GPR35: variants seen among roughly 807,000 people sequenced by gnomAD.
GPR35 encodes the protein G protein-coupled receptor 35.
For synonymous variants in GPR35, 207 were observed against 198.4 expected (o/e 1.04, Z -0.36); for missense variants, 372 against 422.5 (o/e 0.88, Z 1.05).
chr2:240,630,915 C>CG lies in GPR35; in HGVS notation c.*38dup. 1 of 1,562,544 alleles carries CG rather than the reference C, an allele frequency of 6.4e-7. No individual in the cohort carries two copies. The highest frequency in any genetic ancestry group is 8.7e-7 in the Non-Finnish European group (1 of 1,144,090). On this transcript the variant is annotated 3_prime_UTR_variant, in exon 2 of 2. Coordinates refer to ENST00000407714, the MANE Select transcript of GPR35 (RefSeq NM_005301.5). The stretch of plus-strand genomic sequence containing the variant: ...GCTGTGGGCGCTGTGGGCCAGGTCT[C>CG]GGGGGCTCCGGGAGGTGCTGCCTGC...
At chr2:240,614,010 C>T (rs371733622) in intron 2 of GPR35, among the ~76,000 whole-genome samples, 7 of 151,520 alleles carry the variant, frequency 4.6e-5, no homozygotes, top group South Asian at 2.1e-4. Flanking sequence ...AACCCTATCC[C>T]GAGCCCTAAA....
At chr2:240,627,671 C>G (rs2043394208) in intron 1 of GPR35, 1 of 124,374 alleles carries the variant, frequency 8.0e-6, no homozygotes, top group Non-Finnish European at 1.6e-5. Context: ...GACGGGGTCT[C>G]CCTGTGATGC....
chr2:240,616,534 A>G (rs1373592158), intron 3 of GPR35: 1 of 777,176 alleles, frequency 1.3e-6, no homozygotes. Context: ...GTTTTTTGAC[A>G]AGCCCACTTC....
At position 240,630,111 on chromosome 2, in the gene GPR35, G is replaced by C. The variant is rs535196046; in HGVS notation, c.159G>C (p.Thr53=). 2 of 1,607,504 alleles carry C rather than the reference G, an allele frequency of 1.2e-6. No individual in the cohort carries two copies. The highest frequency in any genetic ancestry group is 1.7e-6 in the Non-Finnish European group (2 of 1,179,706). ...WVFCCRMQQW[T]ETRIYMTNLA... ...TCTGCTGCCGCATGCAGCAGTGGAC[G>C]GAGACCCGCATCTACATGACCAACC... The change falls in exon 2 of 2, where the codon ACG becomes ACC. Residue 53 remains threonine (T), a synonymous_variant. Transcript: ENST00000407714.
At chr2:240,622,723 G>A (rs1034125639), upstream of GPR35, among the ~76,000 whole-genome samples, 14 of 152,172 alleles carry the variant, frequency 9.2e-5, no homozygotes, top group African/African-American at 2.9e-4. Context: ...AATCCTGTTC[G>A]GAGCTCCTCG....
At chr2:240,628,915 C>T (rs546563040) in intron 1 of GPR35, 4 of 152,328 alleles carry the variant, frequency 2.6e-5, no homozygotes, top group Admixed American at 2.6e-4. Context: ...TGGGCGCTCA[C>T]CAGCAGCTCC....
intron 4 of GPR35, among the ~76,000 whole-genome samples, chr2:240,618,033 C>T (rs562343693): frequency 2.2e-4 from 33 of 152,012 alleles, no homozygotes; most frequent in Non-Finnish European, 3.7e-4. Flanking sequence ...CTGGATTTGT[C>T]GTCATTTTTA....
At position 240,630,414 on chromosome 2, in the gene GPR35, G is replaced by A; in HGVS notation, c.462G>A (p.Leu154=). 1 of 1,612,380 alleles carries A rather than the reference G, an allele frequency of 6.2e-7. No individual in the cohort carries two copies. The highest frequency in any genetic ancestry group is 8.5e-7 in the Non-Finnish European group (1 of 1,179,910). ...VIGSLVARWL[L]GIQEGGFCFR... ...GCTCCCTGGTGGCTCGCTGGCTCCT[G>A]GGGATTCAGGAGGGCGGCTTCTGCT... Residue 154 remains leucine (L), a synonymous_variant, in exon 2 of 2, where the codon CTG becomes CTA. Transcript: ENST00000407714.
intron 2 of GPR35, among the ~76,000 whole-genome samples, chr2:240,616,179 C>T (rs2043234997): frequency 6.6e-6 from 1 of 152,140 alleles, no homozygotes; most frequent in Admixed American, 6.5e-5. Flanking sequence ...CGTAGAGGAG[C>T]CGGCACCTTT....
chr2:240,620,229 G>A (rs1048656887), intron 5 of GPR35, among the ~76,000 whole-genome samples: 5 of 152,174 alleles, frequency 3.3e-5, no homozygotes, highest in East Asian at 1.9e-4. Flanking sequence ...GTGAGCTGGC[G>A]GGGGTGGCCC....
chr2:240,618,477 A>C (rs894598149), intron 4 of GPR35, among the ~76,000 whole-genome samples: 3 of 152,250 alleles, frequency 2.0e-5, no homozygotes, highest in African/African-American at 7.2e-5. Flanking sequence ...CTGGATTTTA[A>C]AATCACTTGG....
chr2:240,610,633 T>C (rs2043174086), intron 2 of GPR35, among the ~76,000 whole-genome samples: 1 of 151,900 alleles, frequency 6.6e-6, no homozygotes, highest in Admixed American at 6.6e-5. Flanking sequence ...GCTAAGTTTT[T>C]AACTTTTTTT....
At chr2:240,610,562 G>A (rs1425826882) in intron 2 of GPR35, among the ~76,000 whole-genome samples, 2 of 152,128 alleles carry the variant, frequency 1.3e-5, no homozygotes, top group African/African-American at 4.8e-5. Context: ...CTAGATTCAA[G>A]CAATCCTCCC....
intron 1 of GPR35, chr2:240,627,517 A>G (rs1023323167): frequency 1.3e-5 from 2 of 149,050 alleles, no homozygotes; most frequent in African/African-American, 4.9e-5. Flanking sequence ...CTAAGGCTGG[A>G]GTGCAGTGGT....
chr2:240,625,497 TCAGA>T lies in GPR35; in HGVS notation c.-72_-69del. ...CCAGCTTCACTTCCCCCAGCCCTTC[TCAGA>T]CAGCCACTGTGCAGGCTTTGGCAGC... On this transcript the variant is annotated 5_prime_UTR_variant, in exon 1 of 2. Transcript: ENST00000407714. 1 of 985,932 alleles carries T rather than the reference TCAGA, an allele frequency of 1.0e-6. No homozygotes were observed. The highest frequency in any genetic ancestry group is 5.2e-4 in the Middle Eastern group (1 of 1,918). 61.1% of individuals were successfully genotyped at this position (985,932 alleles called of 1,614,324 possible). A position where few individuals can be genotyped will look rare whatever the true frequency, so the allele number is the denominator to read the frequency against.
At chr2:240,624,094 G>A (rs957759825), upstream of GPR35, among the ~76,000 whole-genome samples, 37 of 152,168 alleles carry the variant, frequency 2.4e-4, no homozygotes, top group Admixed American at 4.6e-4. Flanking sequence ...TGCCAGAGGT[G>A]GAAGGAGCAC....
In GPR35 at chr2:240,610,468, T is replaced by C. The variant is rs1339819027; in HGVS notation, c.-577+3856T>C. The stretch of plus-strand genomic sequence containing the variant: ...AGACAGCATATTGTCATTTCTTGCT[T>C]TCTTTTCCCCTAAGACGAAGAGTCT... On this transcript the variant is annotated intron_variant, in intron 2 of 5. Coordinates refer to the GPR35 transcript ENST00000319838. Among the ~76,000 whole-genome samples the C allele has an allele frequency of 3.9e-5, 6 of 152,166 alleles. No homozygotes were observed. In the East Asian group the frequency reaches 1.2e-3, roughly 29 times the overall value.
Position 240,632,249 on chromosome 2 carries a change from TC to T in GPR35, c.*1368del, listed in dbSNP as rs2043458167. 6.7e-6 allele frequency among the ~76,000 whole-genome samples: 1 copy of T among 148,340 alleles called. No individual in the cohort carries two copies. The highest frequency in any genetic ancestry group is 1.5e-5 in the Non-Finnish European group (1 of 66,950). On this transcript the variant is annotated 3_prime_UTR_variant, in exon 2 of 2. Transcript: ENST00000407714. ...TGGAAGGGTCCATGCTCAGGAGGGT[TC>T]ATGCCCAGGAGAGTTTATGCCCTGG... is the stretch of plus-strand genomic sequence containing the variant.
At chr2:240,616,614 A>G in intron 3 of GPR35, 2 of 689,526 alleles carry the variant, frequency 2.9e-6, no homozygotes, top group Non-Finnish European at 2.6e-6. Flanking sequence ...GCCAGCAGCC[A>G]CCAATGATCA....
Sources: gnomAD v4.1 joint callset for allele counts (sites outside exome capture counted in the v4.1 genomes callset) on GRCh38, gnomAD v4.1.1 for gene constraint, MANE v1.5 for transcripts, NCBI Gene and HGNC (gene_info 2026-07-23, HGNC 2026-07-21) for gene names.